The following FILIP1L variants were observed in gnomAD, a reference collection of about 807,000 sequenced individuals.
FILIP1L encodes filamin A interacting protein 1 like, also known as filamin A-interacting protein 1-like.
In FILIP1L, 55 loss-of-function variants were observed where a neutral mutation model predicts 96.6. The observed-to-expected ratio is 0.57, with a 90% CI of 0.46 to 0.71. FILIP1L has a LOEUF of 0.71. Ranked by LOEUF, FILIP1L falls within the 30% of genes least tolerant of loss-of-function variation. The pLI is 0.00. For synonymous variants in FILIP1L, 467 were observed against 473.9 expected (o/e 0.99, Z 0.19); for missense variants, 1,304 against 1,321.2 (o/e 0.99, Z 0.20).
At chr3:99,834,364 T>C (rs1942809036) in intron 5 of FILIP1L, among the ~76,000 whole-genome samples, 1 of 152,204 alleles carries the variant, frequency 6.6e-6, no homozygotes, top group Non-Finnish European at 1.5e-5. Flanking sequence ...AGTAAATAGG[T>C]GCCTTTATTC....
At chr3:99,951,131 C>A (rs977241777) in intron 1 of FILIP1L, among the ~76,000 whole-genome samples, 2 of 152,200 alleles carry the variant, frequency 1.3e-5, no homozygotes, top group Admixed American at 6.5e-5. Context: ...TTTGCCTGTG[C>A]TGTGCTCACT....
At chr3:99,938,086 CGCGCGT>C (rs1269852836) in intron 1 of FILIP1L, among the ~76,000 whole-genome samples, 2 of 152,034 alleles carry the variant, frequency 1.3e-5, no homozygotes, top group East Asian at 1.9e-4. Context: ...CGCGCGCGCG[CGCGCGT>C]GCATGCACAC....
chr3:99,880,397 A>G (rs953121902), intron 4 of FILIP1L, among the ~76,000 whole-genome samples: 2 of 152,124 alleles, frequency 1.3e-5, no homozygotes, highest in African/African-American at 4.8e-5. Flanking sequence ...TATATATATG[A>G]ACTGCAGGTC....
chr3:100,051,927 G>A (rs1264453136), intron 1 of FILIP1L, among the ~76,000 whole-genome samples: 1 of 148,242 alleles, frequency 6.7e-6, no homozygotes, highest in Non-Finnish European at 1.5e-5. Context: ...TAAAATATAT[G>A]TTTATAATAT....
rs574200143 is a variant in FILIP1L, at chr3:99,930,594, G to A, written c.252+175C>T. 2.6e-3 allele frequency among the ~76,000 whole-genome samples: 389 copies of A among 152,232 alleles called. 1 individual carries two copies. The highest frequency in any genetic ancestry group is 3.9e-3 in the Non-Finnish European group (268 of 68,018). Reference sequence around the variant, plus strand: ...TCATCATGACAGCCCCTTTAGATGGGATTAATTGCACTTTGAGTTGGCAGA... The same window carrying A: ...TCATCATGACAGCCCCTTTAGATGGAATTAATTGCACTTTGAGTTGGCAGA... On this transcript the variant is annotated intron_variant, in intron 2 of 5. Coordinates refer to ENST00000477258, the MANE Select transcript of FILIP1L (RefSeq NM_001387850.1).
chr3:100,064,800 G>T (rs1222255145), intron 1 of FILIP1L, among the ~76,000 whole-genome samples: 2 of 151,392 alleles, frequency 1.3e-5, no homozygotes, highest in Non-Finnish European at 2.9e-5. Context: ...TTGACAAACA[G>T]CTAATTTTTT....
rs1023553925 is a variant in FILIP1L, at chr3:99,929,837, C to A, written c.426+19G>T. The A allele has an allele frequency of 6.3e-7, 1 of 1,595,968 alleles. No homozygotes were observed. Among genetic ancestry groups the A allele is most frequent in the Admixed American group, 1.7e-5 (1 of 57,724 alleles). On this transcript the variant is annotated intron_variant, in intron 3 of 5. Coordinates refer to ENST00000477258, the MANE Select transcript of FILIP1L (RefSeq NM_001387850.1). ...TGCTTGGCTGCCTCCCAGGTACACA[C>A]CCCTATTGTGGTACATACCTCATTC...
intron 1 of FILIP1L, among the ~76,000 whole-genome samples, chr3:100,101,795 A>G (rs1229690655): frequency 2.0e-5 from 3 of 151,728 alleles, no homozygotes; most frequent in Admixed American, 6.6e-5. Context: ...AACAGGCCCC[A>G]GTGTGTGATG....
At position 99,923,566 on chromosome 3, in the gene FILIP1L, G is replaced by A. The variant is rs542074328; in HGVS notation, c.605+664C>T. On this transcript the variant is annotated intron_variant, in intron 4 of 5. Transcript: ENST00000477258. ...ACTAAACATCATAAGTAGTTCATGC[G>A]CACACCCCCCTCCCAACCTCATGGC... 3.9e-5 allele frequency among the ~76,000 whole-genome samples: 6 copies of A among 152,082 alleles called. No individual in the cohort carries two copies. In the South Asian group the frequency reaches 6.3e-4, roughly 16 times the overall value.
chr3:99,882,053 T>G (rs1021500306), intron 4 of FILIP1L, among the ~76,000 whole-genome samples: 1 of 152,210 alleles, frequency 6.6e-6, no homozygotes, highest in Non-Finnish European at 1.5e-5. Flanking sequence ...TGGATTTATA[T>G]GTTTTCTTTT....
intron 4 of FILIP1L, among the ~76,000 whole-genome samples, chr3:99,917,953 C>T (rs1441932477): frequency 6.6e-6 from 1 of 151,768 alleles, no homozygotes; most frequent in Non-Finnish European, 1.5e-5. Context: ...TATGCCCTGC[C>T]CTTGTTTGTT....
intron 4 of FILIP1L, 41 bp from the exon 5 acceptor site, chr3:99,851,111 T>G: frequency 6.8e-7 from 1 of 1,468,006 alleles, no homozygotes; most frequent in Non-Finnish European, 9.1e-7. Context: ...GATTGATGCT[T>G]TAGTAACTCA....
At chr3:100,044,613 A>G (rs1209201168) in intron 1 of FILIP1L, among the ~76,000 whole-genome samples, 1 of 152,230 alleles carries the variant, frequency 6.6e-6, no homozygotes, top group African/African-American at 2.4e-5. Flanking sequence ...TAGTGAAGCC[A>G]GATTATACAG....
At chr3:100,063,538 C>G (rs1404801323) in intron 1 of FILIP1L, among the ~76,000 whole-genome samples, 2 of 152,156 alleles carry the variant, frequency 1.3e-5, no homozygotes, top group Non-Finnish European at 2.9e-5. Context: ...GGCTCCTAAG[C>G]TTCCATCCCA....
At chr3:99,878,379 A>G (rs1359524914) in intron 4 of FILIP1L, among the ~76,000 whole-genome samples, 1 of 152,254 alleles carries the variant, frequency 6.6e-6, no homozygotes, top group East Asian at 1.9e-4. Context: ...AGAAGGCTAA[A>G]GTGGCTTGAC....
In FILIP1L at chr3:99,847,280, C is replaced by T. The variant is rs555134932; in HGVS notation, c.3381+1015G>A. On this transcript the variant is annotated intron_variant, in intron 5 of 5. Transcript: ENST00000477258. ...GGCCCCTTATGAACAGGGTAGGTAG[C>T]ACCTACATTAAGTAATTCAAACTGT... Among the ~76,000 whole-genome samples, 6 of 149,746 alleles carry T rather than the reference C, an allele frequency of 4.0e-5. No homozygotes were observed. In the East Asian group the frequency reaches 1.2e-3, roughly 29 times the overall value.
At chr3:99,927,399 C>T (rs1576578353) in intron 3 of FILIP1L, among the ~76,000 whole-genome samples, 1 of 140,368 alleles carries the variant, frequency 7.1e-6, no homozygotes, top group African/African-American at 2.6e-5. Context: ...GACGGAGTTT[C>T]GCTTTTGTTG....
intron 1 of FILIP1L, among the ~76,000 whole-genome samples, chr3:100,012,965 T>G (rs999794398): frequency 4.0e-5 from 6 of 151,870 alleles, no homozygotes; most frequent in East Asian, 3.9e-4. Context: ...ATGTATGTAT[T>G]TATTTATTTA....
intron 1 of FILIP1L, among the ~76,000 whole-genome samples, chr3:100,095,274 C>A (rs1452253364): frequency 6.6e-6 from 1 of 152,010 alleles, no homozygotes; most frequent in African/African-American, 2.4e-5. Flanking sequence ...AAAAATCTTG[C>A]GGAGATTTTA....
Sources: gnomAD v4.1 joint callset for allele counts (sites outside exome capture counted in the v4.1 genomes callset) on GRCh38, gnomAD v4.1.1 for gene constraint, MANE v1.5 for transcripts, NCBI Gene and HGNC (gene_info 2026-07-23, HGNC 2026-07-21) for gene names.